MARCHF8: variants seen among roughly 807,000 people sequenced by gnomAD.
MARCHF8 encodes the protein E3 ubiquitin-protein ligase MARCHF8.
A neutral mutation model predicts 51.6 loss-of-function variants in MARCHF8; 40 were observed. The observed-to-expected ratio is 0.77, with a 90% confidence interval of 0.60 to 1.01. The LOEUF is 1.01. Among genes scored for constraint, MARCHF8 ranks in the 50% least tolerant of loss-of-function variants. The probability of loss-of-function intolerance (pLI) is 0.00; values close to 1 mark genes in which losing one functional copy is unlikely to be tolerated. For missense variants in MARCHF8, 685 were observed against 708.6 expected (o/e 0.97, Z 0.38); for synonymous variants, 263 against 280.3 (o/e 0.94, Z 0.62).
At chr10:45,555,220 A>C (rs2044238426) in intron 1 of MARCHF8, among the ~76,000 whole-genome samples, 1 of 150,962 alleles carries the variant, frequency 6.6e-6, no homozygotes, top group African/African-American at 2.4e-5. Context: ...CAAAAGCAAC[A>C]CTCTTGTCTC....
intron 6 of MARCHF8, chr10:45,460,957 G>A (rs1055593448): frequency 3.6e-5 from 12 of 334,118 alleles, no homozygotes; most frequent in East Asian, 3.1e-4. Flanking sequence ...CAAACAGTCT[G>A]TAGTCAAAGG....
intron 3 of MARCHF8, among the ~76,000 whole-genome samples, chr10:45,478,257 C>A (rs980197417): frequency 1.3e-5 from 2 of 152,090 alleles, no homozygotes; most frequent in Non-Finnish European, 2.9e-5. Flanking sequence ...AGAAACTGTA[C>A]AATTACATGG....
chr10:45,479,579 G>A (rs1263389402), intron 3 of MARCHF8, among the ~76,000 whole-genome samples: 2 of 152,158 alleles, frequency 1.3e-5, no homozygotes, highest in Non-Finnish European at 2.9e-5. Context: ...CCCCCATACT[G>A]TTCTTGTGGT....
chr10:45,461,694 T>C, intron 5 of MARCHF8: 1 of 260,792 alleles, frequency 3.8e-6, no homozygotes, highest in Non-Finnish European at 7.2e-6. Flanking sequence ...AATAAGAACT[T>C]CACTGAAAGA....
At chr10:45,522,833 T>C (rs1329274267) in intron 2 of MARCHF8, among the ~76,000 whole-genome samples, 2 of 152,182 alleles carry the variant, frequency 1.3e-5, no homozygotes, top group African/African-American at 2.4e-5. Context: ...TCATTCCCTA[T>C]GCAAAAGTGG....
chr10:45,547,073 A>C (rs1008759419), intron 1 of MARCHF8, among the ~76,000 whole-genome samples: 1 of 152,230 alleles, frequency 6.6e-6, no homozygotes, highest in African/African-American at 2.4e-5. Flanking sequence ...AAAAAAATTC[A>C]GATCATTACT....
chr10:45,492,543 C>T lies in MARCHF8; in HGVS notation c.103-3126G>A, dbSNP rs561682792. Among the ~76,000 whole-genome samples the T allele has an allele frequency of 5.3e-5, 8 of 152,172 alleles. 1 individual carries two copies. Among genetic ancestry groups the T allele is most frequent in the Admixed American group, 1.3e-4 (2 of 15,290 alleles). ...CGATCTCCTGACCTCGTGATCTGCC[C>T]GCCTCGGCCTCCCAAAGTGCTGGGA... On this transcript the variant is annotated intron_variant, in intron 2 of 7. Coordinates refer to ENST00000453424, the MANE Select transcript of MARCHF8 (RefSeq NM_001282866.2).
At chr10:45,546,177 T>TA (rs1304968080) in intron 1 of MARCHF8, among the ~76,000 whole-genome samples, 2 of 151,198 alleles carry the variant, frequency 1.3e-5, no homozygotes, top group Non-Finnish European at 2.9e-5. Context: ...TTTATTTATT[T>TA]TGAGACAGGG....
At chr10:45,557,744 A>G (rs1386874893) in intron 1 of MARCHF8, among the ~76,000 whole-genome samples, 2 of 152,130 alleles carry the variant, frequency 1.3e-5, no homozygotes, top group Admixed American at 1.3e-4. Context: ...AGGAGGCCAC[A>G]CGGGCTGCAG....
chr10:45,463,543 T>C lies in MARCHF8; in HGVS notation c.696A>G (p.Glu232=). Residue 232 remains glutamate (E), a synonymous_variant, in exon 5 of 8, where the codon GAA becomes GAG. Coordinates refer to ENST00000453424, the MANE Select transcript of MARCHF8 (RefSeq NM_001282866.2). ...GGCCGGGCCTGCCCCCCTTGCCAGCTTCCACCTCTGAGGCAGTTGAGCGAC... is the reference window on the plus strand; with the variant it reads ...GGCCGGGCCTGCCCCCCTTGCCAGCCTCCACCTCTGAGGCAGTTGAGCGAC... The part of the protein sequence containing the change: ...SAGRSTASEV[E]AGKGGRPGLL... 6.4e-7 allele frequency: 1 copy of C among 1,550,626 alleles called. No individual in the cohort carries two copies. Among genetic ancestry groups the C allele is most frequent in the Non-Finnish European group, 8.7e-7 (1 of 1,146,998 alleles).
rs139517000 is a variant in MARCHF8, at chr10:45,572,962, T to A, written c.-79+21273A>T. ...CTCACACCTGGTCCAGCTTACAGTT[T>A]CGTTCTGCGACTGGCCCTCCCCCAC... On this transcript the variant is annotated intron_variant, in intron 1 of 6. Coordinates refer to the MARCHF8 transcript ENST00000319836. Among the ~76,000 whole-genome samples the A allele has an allele frequency of 4.4e-3, 668 of 152,220 alleles. 4 individuals are homozygous for A. The highest frequency in any genetic ancestry group is 0.015 in the African/African-American group (637 of 41,528).
At chr10:45,459,035 G>T in intron 7 of MARCHF8, 85 bp downstream of exon 7, 1 of 1,548,904 alleles carries the variant, frequency 6.5e-7, no homozygotes, top group Non-Finnish European at 8.8e-7. Flanking sequence ...AGACGTTTTT[G>T]GCTAACTGGA....
chr10:45,473,429 C>G (rs1480588384), intron 3 of MARCHF8, among the ~76,000 whole-genome samples: 1 of 152,258 alleles, frequency 6.6e-6, no homozygotes, highest in African/African-American at 2.4e-5. Flanking sequence ...GTGCTACGGG[C>G]TTCCACTGCC....
At chr10:45,516,539 G>A (rs988978956) in intron 2 of MARCHF8, among the ~76,000 whole-genome samples, 9 of 152,098 alleles carry the variant, frequency 5.9e-5, no homozygotes, top group Non-Finnish European at 8.8e-5. Flanking sequence ...CAAGGTGGGT[G>A]GATCACCTGA....
At chr10:45,501,947 C>A (rs899774620) in intron 2 of MARCHF8, among the ~76,000 whole-genome samples, 6 of 152,024 alleles carry the variant, frequency 3.9e-5, no homozygotes, top group Non-Finnish European at 7.4e-5. Flanking sequence ...TTACTACACA[C>A]CTATCAGAAT....
intron 1 of MARCHF8, among the ~76,000 whole-genome samples, chr10:45,534,689 T>TG (rs1352020915): frequency 6.6e-6 from 1 of 152,092 alleles, no homozygotes; most frequent in Non-Finnish European, 1.5e-5. Flanking sequence ...AACCATGTGC[T>TG]GGGGTAGGGG....
Sources: gnomAD v4.1 joint callset for allele counts (sites outside exome capture counted in the v4.1 genomes callset) on GRCh38, gnomAD v4.1.1 for gene constraint, MANE v1.5 for transcripts, NCBI Gene and HGNC (gene_info 2026-07-23, HGNC 2026-07-21) for gene names.